ELMO1: variants seen among roughly 807,000 people sequenced by gnomAD.
The protein encoded by ELMO1 is engulfment and cell motility protein 1.
In ELMO1, 26 loss-of-function variants were observed where a neutral mutation model predicts 98.9. The ratio of observed to expected loss-of-function variants is 0.26; its 90% CI spans 0.19 to 0.36. The LOEUF (loss-of-function observed/expected upper bound fraction) is 0.36, where lower values mean the gene tolerates loss of function less well. Among genes scored for constraint, ELMO1 ranks in the 10% least tolerant of loss-of-function variants. ELMO1 has a pLI of 1.00. For missense variants in ELMO1, 627 were observed against 935.2 expected (o/e 0.67, Z 4.30); for synonymous variants, 346 against 346.0 (o/e 1.00, Z 0.00).
At chr7:36,881,260 G>A (rs1439396589) in intron 18 of ELMO1, among the ~76,000 whole-genome samples, 3 of 152,176 alleles carry the variant, frequency 2.0e-5, no homozygotes. Context: ...TAGACGTTGT[G>A]TATTTCTGTC....
intron 1 of ELMO1, among the ~76,000 whole-genome samples, chr7:37,402,056 T>C (rs763350354): frequency 6.6e-6 from 1 of 152,238 alleles, no homozygotes; most frequent in Non-Finnish European, 1.5e-5. Flanking sequence ...TTTCGTTCCC[T>C]ATGAAGACTC....
Position 37,331,333 on chromosome 7 carries a change from C to CTTTTTTTTTTTTTTTTTTTT in ELMO1, c.78+11260_78+11279dup, listed in dbSNP as rs776303689. On this transcript the variant is annotated intron_variant, in intron 2 of 21. Transcript: ENST00000310758. ...TACAGGCGCCAGCCGCCACGCCTGG[C>CTTTTTTTTTTTTTTTTTTTT]TTTTTTTTTTTTTTTTTTTTTTGGA... Among the ~76,000 whole-genome samples, 53 of 28,728 alleles carry CTTTTTTTTTTTTTTTTTTTT rather than the reference C, an allele frequency of 1.8e-3. 5 individuals carry two copies. Among genetic ancestry groups the CTTTTTTTTTTTTTTTTTTTT allele is most frequent in the Non-Finnish European group, 2.8e-3 (41 of 14,728 alleles). The allele number at this position is 28,728 out of a possible 152,430, so 18.8% of individuals were successfully genotyped here. A position where few individuals can be genotyped will look rare whatever the true frequency, so the allele number is the denominator to read the frequency against.
At chr7:37,371,666 G>T (rs1033833793) in intron 1 of ELMO1, among the ~76,000 whole-genome samples, 2 of 152,148 alleles carry the variant, frequency 1.3e-5, no homozygotes, top group African/African-American at 4.8e-5. Flanking sequence ...CTTTCCTAAA[G>T]AAGTCAGGCG....
intron 13 of ELMO1, among the ~76,000 whole-genome samples, chr7:37,154,016 A>T (rs1043549403): frequency 2.6e-5 from 4 of 152,208 alleles, no homozygotes; most frequent in African/African-American, 9.6e-5. Context: ...TACCCAGGCA[A>T]AAAGGGTCTG....
At chr7:37,131,520 C>T (rs781598701) in intron 14 of ELMO1, among the ~76,000 whole-genome samples, 4 of 152,196 alleles carry the variant, frequency 2.6e-5, no homozygotes, top group Non-Finnish European at 5.9e-5. Flanking sequence ...TTTAGAAACA[C>T]TCATCCATGA....
intron 17 of ELMO1, among the ~76,000 whole-genome samples, chr7:36,889,227 T>C (rs1375163221): frequency 6.6e-6 from 1 of 152,224 alleles, no homozygotes; most frequent in Non-Finnish European, 1.5e-5. Flanking sequence ...TGAACATCTA[T>C]AAAGCATAAT....
At chr7:37,117,130 T>G (rs896913639) in intron 14 of ELMO1, 1 of 208,032 alleles carries the variant, frequency 4.8e-6, no homozygotes, top group Non-Finnish European at 1.0e-5. Flanking sequence ...CTGTCCAACC[T>G]GCGGGTCACT....
intron 16 of ELMO1, among the ~76,000 whole-genome samples, chr7:36,896,991 T>G (rs897163476): frequency 1.3e-5 from 2 of 152,144 alleles, no homozygotes; most frequent in African/African-American, 2.4e-5. Flanking sequence ...TTAAATAGAA[T>G]CAGGTTAAAG....
intron 15 of ELMO1, among the ~76,000 whole-genome samples, chr7:37,013,973 T>G (rs914589112): frequency 6.6e-6 from 1 of 152,216 alleles, no homozygotes; most frequent in African/African-American, 2.4e-5. Flanking sequence ...AACCATCTGA[T>G]GCCATTAACC....
intron 14 of ELMO1, among the ~76,000 whole-genome samples, chr7:37,108,143 A>G (rs1785043438): frequency 6.6e-6 from 1 of 152,198 alleles, no homozygotes; most frequent in East Asian, 1.9e-4. Flanking sequence ...TGAAAAGGAA[A>G]TATTTTCTTC....
chr7:37,383,704 T>C (rs1171017202), intron 1 of ELMO1, among the ~76,000 whole-genome samples: 1 of 152,244 alleles, frequency 6.6e-6, no homozygotes, highest in East Asian at 1.9e-4. Flanking sequence ...ACATTTCCTT[T>C]TAATGTCGTA....
intron 13 of ELMO1, among the ~76,000 whole-genome samples, chr7:37,195,799 C>T (rs1208297695): frequency 6.6e-6 from 1 of 152,238 alleles, no homozygotes; most frequent in African/African-American, 2.4e-5. Context: ...CCAGCCCTTT[C>T]CCTTTGCCCT....
At chr7:37,240,104 TC>T (rs1325293062) in intron 7 of ELMO1, among the ~76,000 whole-genome samples, 1 of 150,278 alleles carries the variant, frequency 6.7e-6, no homozygotes, top group African/African-American at 2.5e-5. Flanking sequence ...AGTGGCATGA[TC>T]TTGGCTCACT....
intron 16 of ELMO1, among the ~76,000 whole-genome samples, chr7:36,955,064 A>G (rs1358429831): frequency 6.6e-6 from 1 of 152,230 alleles, no homozygotes; most frequent in Non-Finnish European, 1.5e-5. Flanking sequence ...TTTATGGCAC[A>G]CAAAAGGGGC....
intron 13 of ELMO1, among the ~76,000 whole-genome samples, chr7:37,148,016 G>T (rs1330868757): frequency 6.6e-6 from 1 of 152,124 alleles, no homozygotes; most frequent in Non-Finnish European, 1.5e-5. Flanking sequence ...TAGCAGAGAA[G>T]ATTTTGTCCT....
At chr7:37,239,894 C>T (rs1794669749) in intron 7 of ELMO1, among the ~76,000 whole-genome samples, 1 of 152,222 alleles carries the variant, frequency 6.6e-6, no homozygotes, top group African/African-American at 2.4e-5. Context: ...TAACTGAAAA[C>T]TATCAGGTAA....
In ELMO1 at chr7:37,222,795, A is replaced by C. The variant is rs1364343860; in HGVS notation, c.702-102T>G. The C allele has an allele frequency of 9.7e-5, 95 of 981,874 alleles. 2 individuals are homozygous for C. Among genetic ancestry groups the C allele is most frequent in the South Asian group, 6.0e-4 (39 of 65,174 alleles). 60.8% of individuals were successfully genotyped at this position (981,874 alleles called of 1,614,324 possible). ...GGCTCAAAATCAGCCCCCTCCCCCCAAAAAAAGTGAGAGAGAAAGGCAGGG... is the reference window on the plus strand; with the variant it reads ...GGCTCAAAATCAGCCCCCTCCCCCCCAAAAAAGTGAGAGAGAAAGGCAGGG... On this transcript the variant is annotated intron_variant, in intron 9 of 21. Transcript: ENST00000310758.
intron 4 of ELMO1, among the ~76,000 whole-genome samples, chr7:37,300,953 A>T (rs552863792): frequency 5.3e-5 from 8 of 152,046 alleles, no homozygotes; most frequent in African/African-American, 1.9e-4. Context: ...AGCTCCTGTT[A>T]TTGGTCTATT....
chr7:37,095,075 A>G (rs2129254592), intron 15 of ELMO1, among the ~76,000 whole-genome samples: 1 of 152,374 alleles, frequency 6.6e-6, no homozygotes, highest in African/African-American at 2.4e-5. Flanking sequence ...CAAGATGAGC[A>G]TAAACAGCCA....
Sources: allele counts gnomAD v4.1 joint callset (sites outside exome capture counted in the v4.1 genomes callset), GRCh38; gene constraint gnomAD v4.1.1; transcripts MANE v1.5; gene names NCBI Gene and HGNC (gene_info 2026-07-23, HGNC 2026-07-21).